LIMS4: variants seen among roughly 807,000 people sequenced by gnomAD.
LIMS4 encodes LIM and senescent cell antigen-like-containing domain protein 4.
At chr2:110,395,830 C>G in the LIMS4 span, among the ~76,000 whole-genome samples, 2 of 122,424 alleles carry the variant, frequency 1.6e-5, no homozygotes, top group Non-Finnish European at 3.3e-5. Context: ...TCCCTGATCT[C>G]CTCACCCAGG....
the LIMS4 span, among the ~76,000 whole-genome samples, chr2:110,411,022 C>T: frequency 4.6e-4 from 3 of 6,578 alleles, no homozygotes; most frequent in Admixed American, 1.5e-3. Context: ...TCTCCTGCCT[C>T]AGCCTCCTGA....
chr2:110,392,502 C>T, the LIMS4 span, among the ~76,000 whole-genome samples: 1 of 151,784 alleles, frequency 6.6e-6, no homozygotes, highest in Non-Finnish European at 1.5e-5. Context: ...AACAGGTAGT[C>T]CCAGACCAGG....
chr2:110,418,659 T>C, the LIMS4 span, among the ~76,000 whole-genome samples: 1 of 115,978 alleles, frequency 8.6e-6, no homozygotes, highest in Non-Finnish European at 1.7e-5. Flanking sequence ...TCTTTTTTTT[T>C]TTTTTTTTTT....
the LIMS4 span, among the ~76,000 whole-genome samples, chr2:110,407,643 G>T: frequency 2.6e-4 from 36 of 140,496 alleles, no homozygotes; most frequent in South Asian, 7.7e-3. Context: ...ATTCAGCCAG[G>T]CATGGTGGCT....
the LIMS4 span, chr2:110,382,635 T>A: frequency 3.4e-5 from 2 of 59,602 alleles, no homozygotes; most frequent in Admixed American, 3.3e-4. Context: ...AAGAGATAGA[T>A]AAAATACGGT....
the LIMS4 span, among the ~76,000 whole-genome samples, chr2:110,424,678 T>C: frequency 2.1e-5 from 3 of 144,162 alleles, no homozygotes; most frequent in Non-Finnish European, 4.5e-5. Flanking sequence ...CTCATGCCTG[T>C]AATCCCAGCA....
the LIMS4 span, among the ~76,000 whole-genome samples, chr2:110,422,547 G>A: frequency 1.1e-5 from 1 of 88,524 alleles, no homozygotes; most frequent in Non-Finnish European, 1.9e-5. Flanking sequence ...GTGGCACAGT[G>A]ATAGCTCACT....
chr2:110,389,865 G>A, the LIMS4 span, among the ~76,000 whole-genome samples: 1 of 147,270 alleles, frequency 6.8e-6, no homozygotes, highest in African/African-American at 2.6e-5. Context: ...ACCATGACCA[G>A]GGCCCATAGC....
At chr2:110,425,199 C>G in the LIMS4 span, among the ~76,000 whole-genome samples, 352 of 143,250 alleles carry the variant, frequency 2.5e-3, 48 homozygotes, top group Admixed American at 0.02. Context: ...TGATACCTGC[C>G]TAGGCAACAT....
At chr2:110,381,996 C>T in the LIMS4 span, among the ~76,000 whole-genome samples, 757 of 64,936 alleles carry the variant, frequency 0.012, no homozygotes, top group Admixed American at 0.032. Flanking sequence ...AAACCCGTGA[C>T]GCAGAGATTG....
the LIMS4 span, among the ~76,000 whole-genome samples, chr2:110,425,695 C>T: frequency 9.1e-4 from 129 of 141,946 alleles, 21 homozygotes; most frequent in Middle Eastern, 6.8e-3. Flanking sequence ...GACGCTGTTG[C>T]CTCGAGGATG....
At chr2:110,397,026 C>T in the LIMS4 span, among the ~76,000 whole-genome samples, 17 of 4,616 alleles carry the variant, frequency 3.7e-3, no homozygotes, top group African/African-American at 0.011. Flanking sequence ...AAAAGACTCA[C>T]GGATGTGACC....
chr2:110,365,202 A>G, the LIMS4 span, among the ~76,000 whole-genome samples: 3 of 145,364 alleles, frequency 2.1e-5, no homozygotes, highest in Non-Finnish European at 3.0e-5. Flanking sequence ...AGACATCTAC[A>G]GAATTCCCCA....
the LIMS4 span, among the ~76,000 whole-genome samples, chr2:110,391,997 G>A: frequency 2.6e-5 from 4 of 151,014 alleles, no homozygotes; most frequent in East Asian, 7.7e-4. Flanking sequence ...AGCATTTGGG[G>A]TCCTCTTATC....
At chr2:110,381,881 A>T in the LIMS4 span, among the ~76,000 whole-genome samples, 1 of 38,180 alleles carries the variant, frequency 2.6e-5, no homozygotes, top group South Asian at 8.6e-4. Flanking sequence ...ATCCTGGCCA[A>T]CATGGTGAAA....
At chr2:110,367,231 T>C in the LIMS4 span, among the ~76,000 whole-genome samples, 1 of 148,348 alleles carries the variant, frequency 6.7e-6, no homozygotes, top group Non-Finnish European at 1.5e-5. Context: ...AAACCTATTC[T>C]AAAATTTATA....
the LIMS4 span, among the ~76,000 whole-genome samples, chr2:110,425,831 C>T: frequency 5.2e-5 from 7 of 135,084 alleles, no homozygotes; most frequent in East Asian, 4.1e-4. Context: ...TGTGAGACAC[C>T]GAGCAGAGAA....
At chr2:110,360,719 TTCTG>T in the LIMS4 span, 4 of 1,604,542 alleles carry the variant, frequency 2.5e-6, no homozygotes, top group Non-Finnish European at 3.4e-6. Context: ...ACTTTGCACT[TTCTG>T]TCTGACATGG....
At chr2:110,385,201 G>A in the LIMS4 span, among the ~76,000 whole-genome samples, 1 of 150,756 alleles carries the variant, frequency 6.6e-6, no homozygotes, top group Non-Finnish European at 1.5e-5. Context: ...AGCCCCCATG[G>A]GGCCTAAACA....
Sources: allele counts gnomAD v4.1 joint callset (sites outside exome capture counted in the v4.1 genomes callset), GRCh38; gene constraint gnomAD v4.1.1; transcripts MANE v1.5; gene names NCBI Gene and HGNC (gene_info 2026-07-23, HGNC 2026-07-21).